NUBPL: variants seen among roughly 807,000 people sequenced by gnomAD.
NUBPL encodes the protein NUBP iron-sulfur cluster assembly factor, mitochondrial, also known as iron-sulfur cluster transfer protein NUBPL.
Under a neutral mutation model 45.7 loss-of-function variants are expected in NUBPL, and 31 were observed. The ratio of observed to expected loss-of-function variants is 0.68; its 90% CI spans 0.51 to 0.92. The LOEUF (loss-of-function observed/expected upper bound fraction) is 0.92. Among genes scored for constraint, NUBPL ranks in the 40% least tolerant of loss-of-function variants. The probability of loss-of-function intolerance (pLI) is 0.00; values close to 1 mark genes in which losing one functional copy is unlikely to be tolerated. For synonymous variants in NUBPL, 144 were observed against 140.9 expected (o/e 1.02, Z -0.15); for missense variants, 401 against 398.7 (o/e 1.01, Z -0.05).
intron 7 of NUBPL, among the ~76,000 whole-genome samples, chr14:31,788,331 A>G (rs1350577519): frequency 2.0e-5 from 3 of 152,008 alleles, no homozygotes; most frequent in African/African-American, 4.8e-5. Context: ...TGAGAGTTCA[A>G]CATTGCAGTT....
At chr14:31,683,585 T>A (rs1271193490) in intron 6 of NUBPL, among the ~76,000 whole-genome samples, 1 of 152,044 alleles carries the variant, frequency 6.6e-6, no homozygotes, top group Non-Finnish European at 1.5e-5. Flanking sequence ...TCTCCTGACC[T>A]CGTGATCTGC....
intron 3 of NUBPL, among the ~76,000 whole-genome samples, chr14:31,598,535 CAT>C (rs1335303662): frequency 6.6e-6 from 1 of 152,134 alleles, no homozygotes; most frequent in East Asian, 1.9e-4. Flanking sequence ...AAAAAAGAGA[CAT>C]ATTTTTTAAT....
At chr14:31,723,660 A>G (rs1028015377) in intron 6 of NUBPL, among the ~76,000 whole-genome samples, 2 of 150,120 alleles carry the variant, frequency 1.3e-5, no homozygotes, top group African/African-American at 2.5e-5. Flanking sequence ...GAGATCTTTC[A>G]CCTCCCTGGT....
At chr14:31,653,034 G>A (rs1395221192) in intron 4 of NUBPL, among the ~76,000 whole-genome samples, 1 of 152,178 alleles carries the variant, frequency 6.6e-6, no homozygotes, top group Non-Finnish European at 1.5e-5. Context: ...CTTCAAAAGG[G>A]AAGGGGGTGT....
At chr14:31,786,356 T>C (rs576242958) in intron 6 of NUBPL, among the ~76,000 whole-genome samples, 26 of 152,322 alleles carry the variant, frequency 1.7e-4, no homozygotes, top group African/African-American at 5.8e-4. Context: ...GTTACCGTTT[T>C]ATAGGAAGAC....
At chr14:31,583,242 G>A (rs1302161060) in intron 3 of NUBPL, among the ~76,000 whole-genome samples, 1 of 152,192 alleles carries the variant, frequency 6.6e-6, no homozygotes, top group Non-Finnish European at 1.5e-5. Flanking sequence ...ATGTAGCAGG[G>A]ATGGGGCAGA....
intron 6 of NUBPL, among the ~76,000 whole-genome samples, chr14:31,729,637 A>G (rs79269108): frequency 0.036 from 5,529 of 152,078 alleles, 132 homozygotes; most frequent in African/African-American, 0.077. Context: ...TTGCCTAGGA[A>G]CTTGATTTTT....
At position 31,611,426 on chromosome 14, in the gene NUBPL, C is replaced by T. The variant is rs114982782; in HGVS notation, c.382+12047C>T. On this transcript the variant is annotated intron_variant, in intron 4 of 10. Transcript: ENST00000281081. ...CTGATGCAAATAACTGAATGGGACA[C>T]ACAAAAAATGGAAAGATTTTCCATG... Among the ~76,000 whole-genome samples the T allele has an allele frequency of 6.5e-3, 987 of 152,172 alleles. 11 individuals carry two copies. The highest frequency in any genetic ancestry group is 0.022 in the African/African-American group (924 of 41,542).
intron 4 of NUBPL, among the ~76,000 whole-genome samples, chr14:31,633,369 A>G (rs2035396151): frequency 6.6e-6 from 1 of 152,210 alleles, no homozygotes; most frequent in Non-Finnish European, 1.5e-5. Context: ...TTTCAGAAAC[A>G]TATTTGAGCA....
chr14:31,670,145 A>AT (rs888593420), intron 4 of NUBPL, among the ~76,000 whole-genome samples: 10 of 151,910 alleles, frequency 6.6e-5, no homozygotes, highest in Admixed American at 6.6e-4. Context: ...AACATCTGTT[A>AT]TTTTTTGATA....
At position 31,651,126 on chromosome 14, in the gene NUBPL, G is replaced by A. The variant is rs367972795; in HGVS notation, c.383-22229G>A. ...TAAACTATAGCAGATACTGTTCCAC[G>A]TCTTTGGATTTTTTTTTGTTTTTTG... On this transcript the variant is annotated intron_variant, in intron 4 of 10. Coordinates refer to ENST00000281081, the MANE Select transcript of NUBPL (RefSeq NM_025152.3). 4.6e-3 allele frequency among the ~76,000 whole-genome samples: 696 copies of A among 152,230 alleles called. 4 individuals are homozygous for A. The highest frequency in any genetic ancestry group is 7.0e-3 in the Non-Finnish European group (473 of 68,000).
intron 6 of NUBPL, among the ~76,000 whole-genome samples, chr14:31,698,914 G>A (rs1490921537): frequency 6.6e-6 from 1 of 151,674 alleles, no homozygotes; most frequent in Non-Finnish European, 1.5e-5. Context: ...GAGTGCAGTG[G>A]CACGATCTCG....
chr14:31,826,801 T>C (rs2040113007), intron 8 of NUBPL, 87 bp downstream of exon 8: 14 of 1,272,416 alleles, frequency 1.1e-5, no homozygotes, highest in Non-Finnish European at 1.4e-5. Context: ...GAAGTTTTAA[T>C]TTAGTCCTGT....
At chr14:31,827,363 A>C (rs926399830) in intron 8 of NUBPL, among the ~76,000 whole-genome samples, 4 of 151,804 alleles carry the variant, frequency 2.6e-5, no homozygotes, top group Non-Finnish European at 2.9e-5. Context: ...AAAAAAAAAA[A>C]AACTGGATGC....
intron 7 of NUBPL, among the ~76,000 whole-genome samples, chr14:31,821,084 T>C (rs2040010791): frequency 6.6e-6 from 1 of 151,852 alleles, no homozygotes. Flanking sequence ...GATTATGCCA[T>C]TGCACTCCAG....
At chr14:31,600,016 G>A (rs1472534095) in intron 4 of NUBPL, among the ~76,000 whole-genome samples, 1 of 150,896 alleles carries the variant, frequency 6.6e-6, no homozygotes, top group Non-Finnish European at 1.5e-5. Flanking sequence ...CTGCCTCCTG[G>A]GTTCAAGTGA....
chr14:31,585,679 G>T (rs972469896), intron 3 of NUBPL, among the ~76,000 whole-genome samples: 1 of 152,138 alleles, frequency 6.6e-6, no homozygotes, highest in Non-Finnish European at 1.5e-5. Flanking sequence ...GTGAGGATTT[G>T]ATTTTCTCTA....
chr14:31,657,830 T>C (rs1595448115), intron 4 of NUBPL, among the ~76,000 whole-genome samples: 1 of 152,210 alleles, frequency 6.6e-6, no homozygotes, highest in Non-Finnish European at 1.5e-5. Flanking sequence ...ACTTGTAGCT[T>C]ACTATTGCTA....
At chr14:31,673,844 G>C (rs1469199811) in intron 6 of NUBPL, among the ~76,000 whole-genome samples, 1 of 152,096 alleles carries the variant, frequency 6.6e-6, no homozygotes, top group Non-Finnish European at 1.5e-5. Context: ...GCAGTAAGAA[G>C]ACCAAATCAA....
Sources: gnomAD v4.1 joint callset for allele counts (sites outside exome capture counted in the v4.1 genomes callset) on GRCh38, gnomAD v4.1.1 for gene constraint, MANE v1.5 for transcripts, NCBI Gene and HGNC (gene_info 2026-07-23, HGNC 2026-07-21) for gene names.